The following ST7 variants were observed in gnomAD, a reference collection of about 807,000 sequenced individuals.
ST7 encodes suppression of tumorigenicity 7.
ST7 carries 28 observed loss-of-function variants against 78.7 expected under a neutral mutation model. That is an observed-to-expected ratio of 0.36 (90% CI 0.26 to 0.49). The LOEUF is 0.49. ST7 is among the 20% of genes least tolerant of loss of function. ST7 has a pLI of 0.99. For synonymous variants in ST7, 247 were observed against 249.6 expected (o/e 0.99, Z 0.10); for missense variants, 418 against 696.0 (o/e 0.60, Z 4.49).
intron 1 of ST7, among the ~76,000 whole-genome samples, chr7:116,969,896 A>T (rs1269673223): frequency 6.6e-6 from 1 of 152,100 alleles, no homozygotes; most frequent in Non-Finnish European, 1.5e-5. Flanking sequence ...ACCAACATGG[A>T]GAAACCCTGT....
At chr7:117,055,713 A>T (rs900174412) in intron 1 of ST7, among the ~76,000 whole-genome samples, 27 of 152,216 alleles carry the variant, frequency 1.8e-4, no homozygotes, top group African/African-American at 6.5e-4. Flanking sequence ...TGGGTAAATT[A>T]CAAGTCTCCC....
intron 9 of ST7, among the ~76,000 whole-genome samples, chr7:117,164,729 A>G (rs1251984044): frequency 6.6e-6 from 1 of 152,194 alleles, no homozygotes; most frequent in African/African-American, 2.4e-5. Flanking sequence ...GGACTTGGCA[A>G]CATAGAAACT....
intron 1 of ST7, among the ~76,000 whole-genome samples, chr7:117,052,767 G>A (rs539071576): frequency 1.3e-5 from 2 of 152,194 alleles, no homozygotes; most frequent in Non-Finnish European, 2.9e-5. Flanking sequence ...GGTGGCGGGC[G>A]TCTGTAGTCC....
At chr7:117,008,384 C>G (rs904172116) in intron 1 of ST7, among the ~76,000 whole-genome samples, 1 of 152,112 alleles carries the variant, frequency 6.6e-6, no homozygotes, top group African/African-American at 2.4e-5. Flanking sequence ...CAGATTTTCT[C>G]AGACAAACTA....
At chr7:117,194,259 A>G (rs532416334) in intron 12 of ST7, among the ~76,000 whole-genome samples, 5 of 152,362 alleles carry the variant, frequency 3.3e-5, no homozygotes, top group South Asian at 2.1e-4. Context: ...AGGAAAAGGC[A>G]TAAACTCCTT....
Position 117,207,936 on chromosome 7 carries a change from A to G in ST7, c.1255-1851A>G, listed in dbSNP as rs1483785098. Among the ~76,000 whole-genome samples the G allele has an allele frequency of 2.6e-5, 4 of 151,840 alleles. No individual in the cohort carries two copies. The East Asian group carries it at 5.8e-4, about 22-fold the overall frequency. On this transcript the variant is annotated intron_variant, in intron 12 of 15. Transcript: ENST00000323984. The stretch of plus-strand genomic sequence containing the variant: ...GTTCATAACACTTTACAAGTTATTT[A>G]TTTTTTTTCATGACTCGTAGCCTCG...
intron 1 of ST7, among the ~76,000 whole-genome samples, chr7:117,040,683 A>G (rs1797168894): frequency 6.6e-6 from 1 of 152,212 alleles, no homozygotes; most frequent in African/African-American, 2.4e-5. Context: ...GTCTAGTTGT[A>G]CTTGTTGGTC....
chr7:117,146,817 GA>G (rs1353540507), intron 9 of ST7, among the ~76,000 whole-genome samples: 1 of 152,138 alleles, frequency 6.6e-6, no homozygotes, highest in Non-Finnish European at 1.5e-5. Flanking sequence ...AGAAAATTAC[GA>G]GTTCAGTTTT....
intron 1 of ST7, among the ~76,000 whole-genome samples, chr7:116,976,217 T>C (rs544112428): frequency 6.6e-6 from 1 of 152,142 alleles, no homozygotes; most frequent in East Asian, 1.9e-4. Flanking sequence ...TGAGCCGAGA[T>C]CAGGCCACTA....
chr7:117,039,361 G>A (rs1797085092), intron 1 of ST7, among the ~76,000 whole-genome samples: 1 of 152,088 alleles, frequency 6.6e-6, no homozygotes, highest in Admixed American at 6.5e-5. Context: ...ATTGCTTGAG[G>A]CCAGGAGTTC....
At chr7:117,128,928 AT>A (rs1222855583) in intron 3 of ST7, among the ~76,000 whole-genome samples, 6 of 151,768 alleles carry the variant, frequency 4.0e-5, no homozygotes, top group African/African-American at 1.5e-4. Flanking sequence ...CTATTAACTG[AT>A]TTTTTTATAA....
intron 1 of ST7, among the ~76,000 whole-genome samples, chr7:117,076,131 C>G (rs560060462): frequency 2.0e-4 from 31 of 152,334 alleles, no homozygotes; most frequent in Admixed American, 1.8e-3. Context: ...AGCTACAGCA[C>G]CTGATTAAAG....
chr7:117,084,661 C>A (rs566849415), intron 1 of ST7, among the ~76,000 whole-genome samples: 9 of 152,274 alleles, frequency 5.9e-5, no homozygotes, highest in Admixed American at 5.9e-4. Context: ...TTTACTAAGA[C>A]ACCATGTAAA....
In ST7 at chr7:117,038,655, T is replaced by A. The variant is rs150281634; in HGVS notation, c.152-61107T>A. On this transcript the variant is annotated intron_variant, in intron 1 of 15. Transcript: ENST00000323984. ...TGCTCCACATATAGTAAGTGTTGAA[T>A]GCATAGTTATATAAGTATAAATGTG... Among the ~76,000 whole-genome samples, 436 of 152,320 alleles carry A rather than the reference T, an allele frequency of 2.9e-3. 2 individuals are homozygous for A. The highest frequency in any genetic ancestry group is 4.5e-3 in the Non-Finnish European group (303 of 68,026).
At chr7:117,057,342 C>T (rs1221832040) in intron 1 of ST7, among the ~76,000 whole-genome samples, 5 of 152,092 alleles carry the variant, frequency 3.3e-5, no homozygotes. Context: ...TTGAAAATTC[C>T]TTAGGTCAAG....
chr7:117,220,727 G>A (rs1793025289), intron 14 of ST7, among the ~76,000 whole-genome samples: 1 of 152,188 alleles, frequency 6.6e-6, no homozygotes, highest in Admixed American at 6.5e-5. Context: ...GTTGTTTTAA[G>A]TGCTACCCAT....
intron 12 of ST7, among the ~76,000 whole-genome samples, chr7:117,201,882 C>T (rs1380668895): frequency 1.3e-5 from 2 of 152,186 alleles, no homozygotes; most frequent in African/African-American, 4.8e-5. Context: ...TCTCCTCCTA[C>T]TCCTTTCCTG....
intron 3 of ST7, 124 bp downstream of exon 3, chr7:117,119,844 C>A: frequency 8.6e-7 from 1 of 1,160,864 alleles, no homozygotes; most frequent in Non-Finnish European, 1.2e-6. Context: ...AAATGCAGAT[C>A]ATTTTCCCAT....
chr7:117,149,091 C>T (rs1437083632), intron 9 of ST7, among the ~76,000 whole-genome samples: 17 of 152,106 alleles, frequency 1.1e-4, no homozygotes, highest in Admixed American at 1.0e-3. Flanking sequence ...CTTCCTGGAC[C>T]GCTATCTCTA....
Sources: gnomAD v4.1 joint callset for allele counts (sites outside exome capture counted in the v4.1 genomes callset) on GRCh38, gnomAD v4.1.1 for gene constraint, MANE v1.5 for transcripts, NCBI Gene and HGNC (gene_info 2026-07-23, HGNC 2026-07-21) for gene names.